DOCK4: variants seen among roughly 807,000 people sequenced by gnomAD.
DOCK4 encodes dedicator of cytokinesis 4.
DOCK4 carries 97 observed loss-of-function variants against 268.1 expected under a neutral mutation model. That is an observed-to-expected ratio of 0.36 (90% CI 0.31 to 0.43). The LOEUF is 0.43. Ranked by LOEUF, DOCK4 falls within the 20% of genes least tolerant of loss-of-function variation. The pLI is 1.00. For synonymous variants in DOCK4, 954 were observed against 887.2 expected, an observed-to-expected ratio of 1.08 and a Z score of -1.34; for missense variants, 2,145 against 2,455.7, an observed-to-expected ratio of 0.87 and a Z score of 2.67.
intron 25 of DOCK4, among the ~76,000 whole-genome samples, chr7:111,836,950 G>A (rs965489181): frequency 3.9e-5 from 6 of 151,960 alleles, no homozygotes; most frequent in Admixed American, 1.3e-4. Context: ...AGAAGGAAGA[G>A]ACAGAAAAAA....
intron 2 of DOCK4, 31 bp downstream of exon 2, chr7:112,004,017 T>C (rs1211436018): frequency 2.0e-6 from 3 of 1,522,868 alleles, no homozygotes; most frequent in Admixed American, 3.7e-5. Flanking sequence ...AACAGCCGTA[T>C]GTTGAGGAGG....
At chr7:112,019,731 T>C (rs1222309964) in intron 1 of DOCK4, among the ~76,000 whole-genome samples, 1 of 152,218 alleles carries the variant, frequency 6.6e-6, no homozygotes, top group Non-Finnish European at 1.5e-5. Flanking sequence ...AAAATTAAGA[T>C]ACTTTTTGAG....
chr7:111,963,282 T>G (rs1797084619), intron 8 of DOCK4, among the ~76,000 whole-genome samples: 1 of 147,940 alleles, frequency 6.8e-6, no homozygotes, highest in Non-Finnish European at 1.5e-5. Context: ...TTTCTGCATT[T>G]CCATCTGAGG....
chr7:112,036,660 T>C (rs1803807093), intron 1 of DOCK4, among the ~76,000 whole-genome samples: 1 of 149,798 alleles, frequency 6.7e-6, no homozygotes, highest in African/African-American at 2.5e-5. Flanking sequence ...GGATTTCTTT[T>C]TTTTTTTTTT....
At chr7:112,161,759 G>A (rs1285202846) in intron 1 of DOCK4, among the ~76,000 whole-genome samples, 1 of 152,160 alleles carries the variant, frequency 6.6e-6, no homozygotes, top group African/African-American at 2.4e-5. Flanking sequence ...AATATCAATA[G>A]TTCACTTATG....
At chr7:111,945,678 G>T in intron 9 of DOCK4, 39 bp downstream of exon 9, 7 of 1,481,262 alleles carry the variant, frequency 4.7e-6, no homozygotes, top group Non-Finnish European at 6.5e-6. Flanking sequence ...AATCATAACT[G>T]GATGAATCTG....
chr7:112,141,898 C>T (rs1020798702), intron 1 of DOCK4, among the ~76,000 whole-genome samples: 2 of 152,114 alleles, frequency 1.3e-5, no homozygotes, highest in Non-Finnish European at 2.9e-5. Context: ...GGGGCCAGTG[C>T]TACTAAATGC....
At chr7:111,748,763 G>T (rs1796444188) in intron 42 of DOCK4, among the ~76,000 whole-genome samples, 1 of 152,050 alleles carries the variant, frequency 6.6e-6, no homozygotes, top group African/African-American at 2.4e-5. Context: ...GGAAAAGTGG[G>T]GTAGGAGGTT....
chr7:112,060,365 T>C (rs770282638), intron 1 of DOCK4, among the ~76,000 whole-genome samples: 5 of 152,130 alleles, frequency 3.3e-5, no homozygotes, highest in Non-Finnish European at 5.9e-5. Context: ...TTATGCACTG[T>C]CGGTAGGAAT....
chr7:112,051,846 C>T (rs1805385970), intron 1 of DOCK4, among the ~76,000 whole-genome samples: 1 of 152,004 alleles, frequency 6.6e-6, no homozygotes, highest in Non-Finnish European at 1.5e-5. Context: ...TCTCAGAAGA[C>T]TTAATTTTAA....
intron 1 of DOCK4, among the ~76,000 whole-genome samples, chr7:112,126,716 AAAAC>A (rs1221891548): frequency 6.6e-6 from 1 of 152,312 alleles, no homozygotes; most frequent in African/African-American, 2.4e-5. Context: ...TTACAAGAAA[AAAAC>A]AAACAACCCC....
At position 112,066,697 on chromosome 7, in the gene DOCK4, A is replaced by ACACATAT. The variant is rs1563052190; in HGVS notation, c.38-62567_38-62566insATATGTG. On this transcript the variant is annotated intron_variant, in intron 1 of 52. Coordinates refer to ENST00000428084, the MANE Select transcript of DOCK4 (RefSeq NM_001363540.2). ...TATACATATATACATATACATATAT[A>ACACATAT]TATATATATATATATATATATATAT... Among the ~76,000 whole-genome samples, 103 of 22,958 alleles carry ACACATAT rather than the reference A, an allele frequency of 4.5e-3. 3 individuals are homozygous for ACACATAT. Among genetic ancestry groups the ACACATAT allele is most frequent in the African/African-American group, 0.014 (96 of 6,786 alleles). 15.1% of individuals were successfully genotyped at this position (22,958 alleles called of 152,430 possible).
At chr7:112,193,072 T>C (rs1479702234) in intron 1 of DOCK4, among the ~76,000 whole-genome samples, 1 of 152,162 alleles carries the variant, frequency 6.6e-6, no homozygotes, top group Non-Finnish European at 1.5e-5. Context: ...ATAATAAAAC[T>C]TCCATCTACT....
At position 111,778,165 on chromosome 7, in the gene DOCK4, AT is replaced by A. The variant is rs955291340; in HGVS notation, c.3679+110del. The A allele has an allele frequency of 1.1e-5, 7 of 663,806 alleles. No homozygotes were observed. In the Admixed American group the frequency reaches 1.2e-4, roughly 12 times the overall value. The allele number at this position is 663,806 out of a possible 1,614,324, so 41.1% of individuals were successfully genotyped here. The stretch of plus-strand genomic sequence containing the variant: ...TATATCCAATTAAAAATAAATTTTA[AT>A]TTTAAAGTAGAAATGCTTGAGTCTT... On this transcript the variant is annotated intron_variant, in intron 36 of 52. Transcript: ENST00000428084.
Position 111,811,944 on chromosome 7 carries a change from A to G in DOCK4, c.2936T>C (p.Ile979Thr). 6.7e-7 allele frequency: 1 copy of G among 1,494,366 alleles called. No individual in the cohort carries two copies. The highest frequency in any genetic ancestry group is 9.1e-7 in the Non-Finnish European group (1 of 1,104,194). 92.6% of individuals were successfully genotyped at this position (1,494,366 alleles called of 1,614,324 possible). Reference sequence around the variant, plus strand: ...TGAGAGGTATAGAACTGTTGTAATAATAACACTAGTGATAAAAAAAATGAC... The same window carrying G: ...TGAGAGGTATAGAACTGTTGTAATAGTAACACTAGTGATAAAAAAAATGAC... ...TVMRLVANNVIITTVLYLSDA... is the reference protein window; with the variant it reads ...TVMRLVANNVTITTVLYLSDA... The change falls in exon 28 of 53, where the codon ATT (isoleucine) becomes ACT (threonine). Residue 979 changes from isoleucine to threonine, a missense_variant. Transcript: ENST00000428084.
At chr7:111,931,617 G>A (rs1405433552) in intron 12 of DOCK4, among the ~76,000 whole-genome samples, 1 of 152,154 alleles carries the variant, frequency 6.6e-6, no homozygotes, top group Non-Finnish European at 1.5e-5. Context: ...AGGAAACAAA[G>A]TATAGAAGGG....
intron 43 of DOCK4, 78 bp downstream of exon 43, chr7:111,747,189 A>G (rs1194318576): frequency 1.5e-5 from 22 of 1,419,640 alleles, no homozygotes; most frequent in Non-Finnish European, 2.1e-5. Flanking sequence ...ATGGGTACAT[A>G]GTCTGAAAAA....
chr7:111,888,959 T>C (rs1171732290), intron 16 of DOCK4, among the ~76,000 whole-genome samples: 1 of 152,058 alleles, frequency 6.6e-6, no homozygotes, highest in Non-Finnish European at 1.5e-5. Context: ...CCAGCAGCTA[T>C]ACAGGAAGCC....
chr7:111,746,805 C>T lies in DOCK4; in HGVS notation c.4594-388G>A, dbSNP rs531497712. ...ACTTAAAGTATCATCTAAGCAAGAT[C>T]GGTCTTATCTTTTTTTTTTTTTTTT... On this transcript the variant is annotated intron_variant, in intron 43 of 52. Transcript: ENST00000428084. 4.5e-4 allele frequency among the ~76,000 whole-genome samples: 62 copies of T among 136,828 alleles called. 1 individual carries two copies. The South Asian group carries it at 0.013, about 28-fold the overall frequency. 89.8% of individuals were successfully genotyped at this position (136,828 alleles called of 152,430 possible).
Sources: gnomAD v4.1 joint callset for allele counts (sites outside exome capture counted in the v4.1 genomes callset) on GRCh38, gnomAD v4.1.1 for gene constraint, MANE v1.5 for transcripts, NCBI Gene and HGNC (gene_info 2026-07-23, HGNC 2026-07-21) for gene names.